The following HERC5 variants were observed in gnomAD, a reference collection of about 807,000 sequenced individuals.
The protein encoded by HERC5 is HECT and RLD domain containing E3 ubiquitin protein ligase 5, also known as E3 ISG15--protein ligase HERC5.
Under a neutral mutation model 119.6 loss-of-function variants are expected in HERC5, and 99 were observed. The observed-to-expected ratio is 0.83, with a 90% CI of 0.70 to 0.98. The LOEUF (loss-of-function observed/expected upper bound fraction) is 0.98. HERC5 is among the 50% of genes least tolerant of loss of function. The pLI is 0.00. For missense variants in HERC5, 1,267 were observed against 1,241.3 expected, an observed-to-expected ratio of 1.02 and a Z score of -0.31; for synonymous variants, 478 against 445.9, an observed-to-expected ratio of 1.07 and a Z score of -0.91.
At position 88,457,414 on chromosome 4, in the gene HERC5, A is replaced by T. The variant is rs760416118; in HGVS notation, c.145A>T (p.Arg49Trp). ...GGGCCTCCACCGCGCGCTGCTCCGG[A>T]GGGTGGAGGTGACGCGCCAACTCTG... The part of the protein sequence containing the change: ...AAGLHRALLR[R>W]VEVTRQLCCS... Residue 49 changes from arginine to tryptophan, a missense_variant, in exon 1 of 23, where the codon AGG (arginine) becomes TGG (tryptophan). Physicochemically the swap from Arg to Trp is moderately radical, Grantham distance 101. Around this residue, in one of 3 missense-constraint regions of HERC5, gnomAD observed 777 missense variants for 758.0 expected, o/e 1.03. Transcript: ENST00000264350. The T allele has an allele frequency of 4.4e-6, 6 of 1,377,942 alleles. 1 individual carries two copies. Among genetic ancestry groups the T allele is most frequent in the Non-Finnish European group, 5.6e-6 (6 of 1,068,736 alleles). The allele number at this position is 1,377,942 out of a possible 1,614,324, so 85.4% of individuals were successfully genotyped here. A position where few individuals can be genotyped will look rare whatever the true frequency, so the allele number is the denominator to read the frequency against.
Position 88,479,504 on chromosome 4 carries a change from C to T in HERC5, c.1734C>T (p.His578=), listed in dbSNP as rs1473479175. Residue 578 remains histidine (H), a synonymous_variant, in exon 13 of 23, where the codon CAC becomes CAT. Transcript: ENST00000264350. ...TCCTAGAAATGTTGAAGAAGCTGCA[C>T]AGGGTAAGAGTTCCTTTAGAAACCT... ...QALLEMLKKL[H]RVNQVKCQLP... 1.1e-5 allele frequency: 17 copies of T among 1,596,256 alleles called. No homozygotes were observed. The highest frequency in any genetic ancestry group is 1.3e-5 in the Non-Finnish European group (15 of 1,174,154).
In HERC5 at chr4:88,462,167, C is replaced by T. The variant is rs1740465237; in HGVS notation, c.499C>T (p.His167Tyr). The T allele has an allele frequency of 1.9e-5, 31 of 1,613,978 alleles. No individual in the cohort carries two copies. Among genetic ancestry groups the T allele is most frequent in the Non-Finnish European group, 2.6e-5 (31 of 1,180,004 alleles). The stretch of plus-strand genomic sequence containing the variant: ...GCTTTTTGCCTGGGGACAGAACCTG[C>T]ATGGGCAGCTTGGAGTTGGAAGGAA... Reference protein sequence around the residue: ...GELFAWGQNLHGQLGVGRKFP... With the variant: ...GELFAWGQNLYGQLGVGRKFP... The change falls in exon 4 of 23, where the codon CAT becomes TAT. Residue 167 changes from histidine (H) to tyrosine (Y), a missense_variant. By Grantham distance (83) the His-to-Tyr change is moderately conservative (BLOSUM62 2). Transcript: ENST00000264350.
At chr4:88,480,066 CAAAA>C (rs58577205) in intron 13 of HERC5, among the ~76,000 whole-genome samples, 4 of 93,940 alleles carry the variant, frequency 4.3e-5, no homozygotes, top group Non-Finnish European at 2.4e-5. Flanking sequence ...GACTCCGTCT[CAAAA>C]AAAAAAAAAA....
At chr4:88,459,270 G>C (rs1389630522) in intron 1 of HERC5, 77 bp from the exon 2 acceptor site, 1 of 1,186,286 alleles carries the variant, frequency 8.4e-7, no homozygotes, top group Non-Finnish European at 1.1e-6. Context: ...GATGTTTTAA[G>C]TGTATTATAA....
chr4:88,494,382 C>G (rs1741741276), intron 18 of HERC5, 51 bp downstream of exon 18: 1 of 1,469,018 alleles, frequency 6.8e-7, no homozygotes, highest in Admixed American at 1.9e-5. Context: ...TATATTTAGG[C>G]AAATATTTAA....
rs777962939 is a variant in HERC5 at position 88,459,363 on chromosome 4, A to G, written c.282A>G (p.Gly94=). The part of the protein sequence containing the change: ...GARTPKCIKL[G]KNMKIHSVDQ... ...GCTCTGTAGAATGCATTAAATTAGG[A>G]AAAAACATGAAGATACATTCCGTGG... Residue 94 remains glycine, a synonymous_variant, in exon 2 of 23, where the codon GGA becomes GGG. Transcript: ENST00000264350. 1.9e-6 allele frequency: 3 copies of G among 1,584,840 alleles called. No individual in the cohort carries two copies. The highest frequency in any genetic ancestry group is 2.7e-5 in the African/African-American group (2 of 73,620).
intron 11 of HERC5, chr4:88,472,979 T>A (rs1740930498): frequency 6.6e-6 from 1 of 152,148 alleles, no homozygotes; most frequent in African/African-American, 2.4e-5. Flanking sequence ...TTCTTGTTCC[T>A]TATGGGATGA....
At chr4:88,460,602 G>A (rs1032306684) in intron 3 of HERC5, among the ~76,000 whole-genome samples, 2 of 152,122 alleles carry the variant, frequency 1.3e-5, no homozygotes, top group African/African-American at 4.8e-5. Flanking sequence ...TTGAATTCAA[G>A]GATCTCCCTA....
chr4:88,470,521 G>T, intron 9 of HERC5, 93 bp from the exon 10 acceptor site: 1 of 682,754 alleles, frequency 1.5e-6, no homozygotes. Context: ...GTTATAAGAT[G>T]TGGTATTTAT....
intron 13 of HERC5, among the ~76,000 whole-genome samples, 198 bp from the exon 14 acceptor site, chr4:88,485,917 A>C (rs929318647): frequency 1.3e-5 from 2 of 152,132 alleles, no homozygotes; most frequent in Non-Finnish European, 2.9e-5. Flanking sequence ...TACATCATCA[A>C]TCTCTACTCT....
chr4:88,501,902 G>A (rs945832026), intron 20 of HERC5, among the ~76,000 whole-genome samples: 3 of 152,114 alleles, frequency 2.0e-5, no homozygotes, highest in South Asian at 2.1e-4. Flanking sequence ...GGGTTCAAGC[G>A]ATTCTCCTGC....
intron 13 of HERC5, among the ~76,000 whole-genome samples, chr4:88,482,532 ACT>A (rs1289525835): frequency 6.6e-6 from 1 of 151,792 alleles, no homozygotes; most frequent in Admixed American, 6.6e-5. Flanking sequence ...GACATAGTTC[ACT>A]CTCTAGAGAC....
rs748551476 is a variant in HERC5, at chr4:88,472,436, T to C, written c.1326T>C (p.Tyr442=). 1 of 1,598,894 alleles carries C rather than the reference T, an allele frequency of 6.3e-7. No individual in the cohort carries two copies. The highest frequency in any genetic ancestry group is 8.6e-7 in the Non-Finnish European group (1 of 1,168,764). Residue 442 remains tyrosine (Y), a synonymous_variant, in exon 11 of 23, where the codon TAT becomes TAC. Transcript: ENST00000264350. ...KRRTTEMMPV[Y]LDLNKARNIF... ...GAACTACAGAAATGATGCCTGTTTATTTGGACTTAAATAAAGCAAGAAACA... is the reference window on the plus strand; with the variant it reads ...GAACTACAGAAATGATGCCTGTTTACTTGGACTTAAATAAAGCAAGAAACA...
Position 88,493,110 on chromosome 4 carries a change from G to A in HERC5, c.2232G>A (p.Met744Ile). ...FAEMIQPEYG[M>I]FMYPEGASCM... The stretch of plus-strand genomic sequence containing the variant: ...AGATGATCCAGCCGGAATATGGGAT[G>A]TTCATGTATCCTGAAGGGGCTTCCT... The change falls in exon 17 of 23, where the codon ATG becomes ATA. Residue 744 changes from methionine to isoleucine, a missense_variant. Met to Ile is a conservative substitution (Grantham distance 10). Around this residue, in one of 3 missense-constraint regions of HERC5, gnomAD observed 473 missense variants for 445.7 expected, o/e 1.06. Transcript: ENST00000264350. 6.2e-7 allele frequency: 1 copy of A among 1,614,100 alleles called. No individual in the cohort carries two copies. The highest frequency in any genetic ancestry group is 8.5e-7 in the Non-Finnish European group (1 of 1,179,984).
chr4:88,506,025 AAG>A lies in HERC5; in HGVS notation c.*150_*151del, dbSNP rs1742095288. 9.2e-6 allele frequency: 6 copies of A among 651,890 alleles called. No homozygotes were observed. Among genetic ancestry groups the A allele is most frequent in the Non-Finnish European group, 1.3e-5 (5 of 376,686 alleles). 40.4% of individuals were successfully genotyped at this position (651,890 alleles called of 1,614,324 possible). A position where few individuals can be genotyped will look rare whatever the true frequency, so the allele number is the denominator to read the frequency against. On this transcript the variant is annotated 3_prime_UTR_variant, in exon 23 of 23. Coordinates refer to ENST00000264350, the MANE Select transcript of HERC5 (RefSeq NM_016323.4). Reference sequence around the variant, plus strand: ...TTTCTGTCTCTAGTGATAAGCAGGAAAGAGGGATGAAGAAGAGGGTTTACTGG... The same window carrying A: ...TTTCTGTCTCTAGTGATAAGCAGGAAAGGGATGAAGAAGAGGGTTTACTGG...
Position 88,479,374 on chromosome 4 carries a change from A to C in HERC5, c.1604A>C (p.Gln535Pro). Reference protein sequence around the residue: ...LVLEEYWATLQESTFSKLVQM... With the variant: ...LVLEEYWATLPESTFSKLVQM... ...TCAGAAGAGTATTGGGCAACTCTGCAAGAATCCACTTTCAGCAAACTGGTC... is the reference window on the plus strand; with the variant it reads ...TCAGAAGAGTATTGGGCAACTCTGCCAGAATCCACTTTCAGCAAACTGGTC... Residue 535 changes from glutamine to proline, a missense_variant, in exon 13 of 23, where the codon CAA becomes CCA. This residue lies in a region of HERC5 where 777 missense variants were observed against 758.0 expected (regional missense o/e 1.03). Coordinates refer to ENST00000264350, the MANE Select transcript of HERC5 (RefSeq NM_016323.4). 6.2e-7 allele frequency: 1 copy of C among 1,607,444 alleles called. No individual in the cohort carries two copies. Among genetic ancestry groups the C allele is most frequent in the Non-Finnish European group, 8.5e-7 (1 of 1,178,250 alleles).
intron 20 of HERC5, among the ~76,000 whole-genome samples, chr4:88,502,077 C>T (rs972032317): frequency 1.3e-5 from 2 of 152,200 alleles, no homozygotes; most frequent in African/African-American, 2.4e-5. Context: ...GGATTACAGG[C>T]GTGAGCCACT....
intron 1 of HERC5, 64 bp downstream of exon 1, chr4:88,457,598 G>A (rs996951059): frequency 1.6e-5 from 20 of 1,225,168 alleles, no homozygotes; most frequent in Middle Eastern, 3.1e-4. Flanking sequence ...GGGCTGTGAG[G>A]GGCGGGCAGC....
At chr4:88,490,932 T>C (rs1172359551) in intron 16 of HERC5, among the ~76,000 whole-genome samples, 1 of 152,326 alleles carries the variant, frequency 6.6e-6, no homozygotes, top group East Asian at 1.9e-4. Context: ...ATGGACTCGT[T>C]ATGTGATTCT....
Sources: allele counts gnomAD v4.1 joint callset (sites outside exome capture counted in the v4.1 genomes callset), GRCh38; gene constraint gnomAD v4.1.1; regional missense constraint gnomAD v4.1.1; transcripts MANE v1.5; gene names NCBI Gene and HGNC (gene_info 2026-07-23, HGNC 2026-07-21).